The following HEATR5A variants were observed in gnomAD, a reference collection of about 807,000 sequenced individuals.
HEATR5A encodes the protein HEAT repeat containing 5A, also known as HEAT repeat-containing protein 5A.
HEATR5A carries 178 observed loss-of-function variants against 218.8 expected under a neutral mutation model. That is an observed-to-expected ratio of 0.81 (90% confidence interval 0.72 to 0.92). The LOEUF is 0.92. Ranked by LOEUF, HEATR5A falls within the 40% of genes least tolerant of loss-of-function variation. HEATR5A has a pLI of 0.00. For missense variants in HEATR5A, 2,420 were observed against 2,418.9 expected, an observed-to-expected ratio of 1.00 and a Z score of -0.01; for synonymous variants, 864 against 871.6, an observed-to-expected ratio of 0.99 and a Z score of 0.15.
At position 31,406,977 on chromosome 14, in the gene HEATR5A, C is replaced by CAAAAAAAAAAAAAAAAAAAAAAAA. The variant is rs58202101; in HGVS notation, c.-74-3929_-74-3928insTTTTTTTTTTTTTTTTTTTTTTTT. On this transcript the variant is annotated intron_variant, in intron 1 of 35. Transcript: ENST00000543095. ...GTGTGACAAGAGTGAACCTCTGTCT[C>CAAAAAAAAAAAAAAAAAAAAAAAA]AAAAAAAAAAAAAAAAAAAGCGAGA... Among the ~76,000 whole-genome samples the CAAAAAAAAAAAAAAAAAAAAAAAA allele has an allele frequency of 2.7e-5, 2 of 74,622 alleles. 1 individual carries two copies. 49.0% of individuals were successfully genotyped at this position (74,622 alleles called of 152,430 possible). A position where few individuals can be genotyped will look rare whatever the true frequency, so the allele number is the denominator to read the frequency against.
rs114469387 is a variant in HEATR5A, at chr14:31,395,334, A to G, written c.462T>C (p.Tyr154=). The change falls in exon 5 of 36, where the codon TAT becomes TAC. Residue 154 remains tyrosine, a synonymous_variant. Transcript: ENST00000543095. ...AMKSAESQGR[Y]EIMLSLQNIL... The stretch of plus-strand genomic sequence containing the variant: ...TATTTTGCAGACTTAGCATAATCTC[A>G]TATCGGCCTTGAGACTTCCAAAAAG... The G allele has an allele frequency of 6.6e-4, 1,001 of 1,513,042 alleles. 5 individuals are homozygous for G. The highest frequency in any genetic ancestry group is 6.2e-3 in the African/African-American group (449 of 72,580). 93.7% of individuals were successfully genotyped at this position (1,513,042 alleles called of 1,614,324 possible).
At chr14:31,420,035 G>C (rs2139338753) in intron 1 of HEATR5A, 1 of 152,364 alleles carries the variant, frequency 6.6e-6, no homozygotes, top group Non-Finnish European at 1.5e-5. Context: ...CTGGCGCAGC[G>C]GACGCCGCAG....
intron 6 of HEATR5A, among the ~76,000 whole-genome samples, chr14:31,392,016 T>C (rs770451191): frequency 1.3e-5 from 2 of 152,226 alleles, no homozygotes; most frequent in Admixed American, 6.5e-5. Flanking sequence ...CTACCTGGAC[T>C]CATCACATTT....
In HEATR5A at chr14:31,293,720, G is replaced by A. The variant is rs1438224421; in HGVS notation, c.5834-108C>T. 36 of 1,156,216 alleles carry A rather than the reference G, an allele frequency of 3.1e-5. No homozygotes were observed. In the Admixed American group the frequency reaches 4.5e-4, roughly 14 times the overall value. The allele number at this position is 1,156,216 out of a possible 1,614,324, so 71.6% of individuals were successfully genotyped here. ...TTTTCCCCACTAAAGAAAACAATTC[G>A]TCCAATCTCTTCTAAATTAATACTA... On this transcript the variant is annotated intron_variant, in intron 35 of 35. Transcript: ENST00000543095.
chr14:31,343,940 C>CA lies in HEATR5A; in HGVS notation c.3183dup (p.Ala1062CysfsTer9). 6.2e-7 allele frequency: 1 copy of CA among 1,611,280 alleles called. No homozygotes were observed. Among genetic ancestry groups the CA allele is most frequent in the Non-Finnish European group, 8.5e-7 (1 of 1,178,950 alleles). ...CTAGACAAGTTGACATGTCGTGGAG[C>CA]AAACATATGAAGCTGCTGAAGGCAA... On this transcript the variant is annotated frameshift_variant, in exon 21 of 36. Transcript: ENST00000543095. LOFTEE classifies it high-confidence loss of function.
At chr14:31,340,971 A>G (rs1450486968) in intron 21 of HEATR5A, among the ~76,000 whole-genome samples, 1 of 152,254 alleles carries the variant, frequency 6.6e-6, no homozygotes, top group African/African-American at 2.4e-5. Context: ...CGGAAGTTAA[A>G]GAGCATGCAG....
At chr14:31,350,587 T>C (rs1454482847) in intron 17 of HEATR5A, 25 bp downstream of exon 17, 11 of 1,323,062 alleles carry the variant, frequency 8.3e-6, no homozygotes, top group Non-Finnish European at 1.2e-5. Flanking sequence ...GAAGCCAACA[T>C]TTAAATGAAA....
In HEATR5A at chr14:31,305,146, CAG is replaced by C. The variant is rs778065621; in HGVS notation, c.4996_4997del (p.Leu1666AlafsTer32). On this transcript the variant is annotated frameshift_variant, in exon 32 of 36. Transcript: ENST00000543095. LOFTEE classifies it high-confidence loss of function. ...TGTCCTTTCCCTCTCCAAACTCTGGCAGAGTTTCCTTTTCAGCAGCCCCATCA... is the reference window on the plus strand; with the variant it reads ...TGTCCTTTCCCTCTCCAAACTCTGGCAGTTTCCTTTTCAGCAGCCCCATCA... ...VDDGAAEKET[L>X]PEFGEGKDTG... 13 of 1,613,796 alleles carry C rather than the reference CAG, an allele frequency of 8.1e-6. No homozygotes were observed. Among genetic ancestry groups the C allele is most frequent in the Non-Finnish European group, 1.1e-5 (13 of 1,179,888 alleles).
At chr14:31,398,930 T>C (rs893894328) in intron 3 of HEATR5A, 149 bp from the exon 4 acceptor site, 9 of 599,690 alleles carry the variant, frequency 1.5e-5, no homozygotes, top group African/African-American at 3.7e-5. Flanking sequence ...CACAAACATA[T>C]TTAATTGTGA....
intron 33 of HEATR5A, chr14:31,296,555 A>G (rs1476072234): frequency 6.6e-6 from 1 of 152,548 alleles, no homozygotes; most frequent in Non-Finnish European, 1.5e-5. Flanking sequence ...TCTCTTTGTT[A>G]AAGTATTTTT....
In HEATR5A at chr14:31,308,014, C is replaced by A; in HGVS notation, c.4697G>T (p.Ser1566Ile). ...TDRFHLILGI[S>I]VEFLCSLRSD... ...ACGTAAGGAACATAGAAATTCCACG[C>A]TGATTCCTGTGGAAAGCAAAAAAAG... The change falls in exon 30 of 36, where the codon AGC becomes ATC. Residue 1566 changes from serine to isoleucine, a missense_variant. Physicochemically the swap from Ser to Ile is moderately radical, Grantham distance 142. Coordinates refer to ENST00000543095, the MANE Select transcript of HEATR5A (RefSeq NM_015473.4). 6.2e-7 allele frequency: 1 copy of A among 1,606,730 alleles called. No individual in the cohort carries two copies. The highest frequency in any genetic ancestry group is 1.1e-5 in the South Asian group (1 of 88,664).
intron 1 of HEATR5A, among the ~76,000 whole-genome samples, chr14:31,414,221 C>T (rs1174539149): frequency 1.3e-5 from 2 of 152,192 alleles, no homozygotes; most frequent in Admixed American, 6.5e-5. Flanking sequence ...TCTCCCACCA[C>T]ACTCTTCTGA....
chr14:31,325,378 T>C (rs1422865140), intron 23 of HEATR5A, among the ~76,000 whole-genome samples: 1 of 152,192 alleles, frequency 6.6e-6, no homozygotes. Context: ...CATTATTGTA[T>C]GTAGTGAAAC....
rs1306297143 is a variant in HEATR5A, at chr14:31,396,528, T to C, written c.448-1180A>G. Among the ~76,000 whole-genome samples the C allele has an allele frequency of 2.0e-5, 3 of 152,302 alleles. No individual in the cohort carries two copies. The East Asian group carries it at 5.8e-4, about 29-fold the overall frequency. On this transcript the variant is annotated intron_variant, in intron 4 of 35. Transcript: ENST00000543095. ...CAAATCATATCTATATCCCAGGAAG[T>C]TGGGCCACTGAAGGTAGAGAAGTTG... is the stretch of plus-strand genomic sequence containing the variant.
rs905087252 is a variant in HEATR5A at position 31,387,497 on chromosome 14, T to C, written c.934-122A>G. 5.2e-6 allele frequency: 4 copies of C among 775,792 alleles called. No homozygotes were observed. The Admixed American group carries it at 8.8e-5, about 17-fold the overall frequency. The allele number at this position is 775,792 out of a possible 1,614,324, so 48.1% of individuals were successfully genotyped here. On this transcript the variant is annotated intron_variant, in intron 7 of 35. Transcript: ENST00000543095. ...CCTTATAAATTGTATTCTTTCCTAA[T>C]TTATGCCACTTGAAATATACAAACA...
At position 31,400,298 on chromosome 14, in the gene HEATR5A, T is replaced by C. The variant is rs2030823331; in HGVS notation, c.338+3A>G. 4.6e-6 allele frequency: 7 copies of C among 1,523,294 alleles called. No individual in the cohort carries two copies. The highest frequency in any genetic ancestry group is 6.2e-6 in the Non-Finnish European group (7 of 1,136,002). The allele number at this position is 1,523,294 out of a possible 1,614,324, so 94.4% of individuals were successfully genotyped here. ...TTCTGTTCTGTTTTAATGTTTCACT[T>C]ACAGCTTAGTGGGAAGATAACTTGG... is the stretch of plus-strand genomic sequence containing the variant. On this transcript the variant is annotated splice_donor_region_variant and intron_variant, in intron 3 of 35. Coordinates refer to ENST00000543095, the MANE Select transcript of HEATR5A (RefSeq NM_015473.4).
At chr14:31,298,467 A>G (rs986566611) in intron 33 of HEATR5A, among the ~76,000 whole-genome samples, 7 of 152,100 alleles carry the variant, frequency 4.6e-5, no homozygotes, top group African/African-American at 1.7e-4. Flanking sequence ...ATGAATTATT[A>G]TTATTATTTG....
intron 1 of HEATR5A, among the ~76,000 whole-genome samples, chr14:31,405,385 GATCACAC>G (rs1361486182): frequency 6.6e-6 from 1 of 152,166 alleles, no homozygotes; most frequent in East Asian, 1.9e-4. Context: ...AGCGAGCCAG[GATCACAC>G]CACTGCACTC....
rs201649601 is a variant in HEATR5A, at chr14:31,404,462, T to C, written c.-74-1413A>G. 4.3e-4 allele frequency among the ~76,000 whole-genome samples: 65 copies of C among 152,272 alleles called. 1 individual carries two copies. The East Asian group carries it at 8.7e-3, about 20-fold the overall frequency. On this transcript the variant is annotated intron_variant, in intron 1 of 35. Coordinates refer to ENST00000543095, the MANE Select transcript of HEATR5A (RefSeq NM_015473.4). Reference sequence around the variant, plus strand: ...CTCCAACAGTTTACCTGTTTGAAATTACTTAGAATATCAGCTCATCATAAT... The same window carrying C: ...CTCCAACAGTTTACCTGTTTGAAATCACTTAGAATATCAGCTCATCATAAT...
Sources: allele counts gnomAD v4.1 joint callset (sites outside exome capture counted in the v4.1 genomes callset), GRCh38; gene constraint gnomAD v4.1.1; transcripts MANE v1.5; gene names NCBI Gene and HGNC (gene_info 2026-07-23, HGNC 2026-07-21).